Variants in CEP104 observed in about 807,000 individuals in gnomAD.
The protein encoded by CEP104 is centrosomal protein of 104 kDa.
CEP104 carries 84 observed loss-of-function variants against 113.3 expected under a neutral mutation model. That is an observed-to-expected ratio of 0.74 (90% CI 0.62 to 0.89). The LOEUF is 0.89. Ranked by LOEUF, CEP104 falls within the 40% of genes least tolerant of loss-of-function variation. The probability of loss-of-function intolerance (pLI) is 0.00; values close to 1 mark genes in which losing one functional copy is unlikely to be tolerated. For missense variants in CEP104, 1,053 were observed against 1,156.6 expected, an observed-to-expected ratio of 0.91 and a Z score of 1.30; for synonymous variants, 378 against 421.7, an observed-to-expected ratio of 0.90 and a Z score of 1.27.
chr1:3,848,519 G>C lies in CEP104; in HGVS notation c.287+89C>G, dbSNP rs535680052. On this transcript the variant is annotated intron_variant, in intron 3 of 21. Coordinates refer to ENST00000378230, the MANE Select transcript of CEP104 (RefSeq NM_014704.4). Reference sequence around the variant, plus strand: ...TGCACTCCAGCCTGGGTGACACAGCGAGACTCCATCTCAAAAAAAAAAAAA... The same window carrying C: ...TGCACTCCAGCCTGGGTGACACAGCCAGACTCCATCTCAAAAAAAAAAAAA... 1,016 of 1,016,880 alleles carry C rather than the reference G, an allele frequency of 1.0e-3. 3 individuals carry two copies. The highest frequency in any genetic ancestry group is 1.3e-3 in the Non-Finnish European group (917 of 708,752). The allele number at this position is 1,016,880 out of a possible 1,614,324, so 63.0% of individuals were successfully genotyped here. A position where few individuals can be genotyped will look rare whatever the true frequency, so the allele number is the denominator to read the frequency against.
intron 6 of CEP104, among the ~76,000 whole-genome samples, chr1:3,840,227 A>C (rs1644388932): frequency 6.6e-6 from 1 of 152,120 alleles, no homozygotes; most frequent in African/African-American, 2.4e-5. Context: ...ATAACAACAC[A>C]GTATTTTTTT....
chr1:3,823,380 C>T lies in CEP104; in HGVS notation c.2503+44G>A. 6.2e-7 allele frequency: 1 copy of T among 1,613,998 alleles called. No individual in the cohort carries two copies. Among genetic ancestry groups the T allele is most frequent in the Admixed American group, 1.7e-5 (1 of 60,028 alleles). ...GCAGTGGCACTTCCTCCAAGAGGAC[C>T]CCTGGTGACCCGAGGGCACGGGAGC... On this transcript the variant is annotated intron_variant, in intron 19 of 21. Transcript: ENST00000378230. This position sits in a 1 kb window ranked among gnomAD's most constrained non-coding sequence, Gnocchi z 4.1.
At chr1:3,832,562 A>G (rs1644237010) in intron 12 of CEP104, among the ~76,000 whole-genome samples, 1 of 152,174 alleles carries the variant, frequency 6.6e-6, no homozygotes, top group Non-Finnish European at 1.5e-5. Flanking sequence ...AGTGTAGCAC[A>G]TTAGCATGAC....
chr1:3,853,922 C>T (rs78359290), intron 1 of CEP104, among the ~76,000 whole-genome samples: 1,636 of 152,170 alleles, frequency 0.011, 30 homozygotes, highest in African/African-American at 0.035. Flanking sequence ...GAGTGAGACC[C>T]CGTTTCTAAA....
chr1:3,839,650 A>C lies in CEP104; in HGVS notation c.693T>G (p.Asp231Glu), dbSNP rs778096086. 1.2e-6 allele frequency: 2 copies of C among 1,613,786 alleles called. No individual in the cohort carries two copies. The highest frequency in any genetic ancestry group is 2.7e-5 in the African/African-American group (2 of 74,914). Residue 231 changes from aspartate to glutamate, a missense_variant, in exon 7 of 22, where the codon GAT becomes GAG. By Grantham distance (45) the Asp-to-Glu change is conservative. Transcript: ENST00000378230. Reference protein sequence around the residue: ...KREAVQKERYDYAKKLKQAIA... With the variant: ...KREAVQKERYEYAKKLKQAIA... Reference sequence around the variant, plus strand: ...TGGCTTGTTTTAGTTTCTTGGCATAATCATAGCGTTCCTTTTGGACAGCTT... The same window carrying C: ...TGGCTTGTTTTAGTTTCTTGGCATACTCATAGCGTTCCTTTTGGACAGCTT...
At chr1:3,841,842 C>T (rs983370934) in intron 6 of CEP104, among the ~76,000 whole-genome samples, 1 of 152,210 alleles carries the variant, frequency 6.6e-6, no homozygotes, top group Admixed American at 6.5e-5. Flanking sequence ...ATTGGAGATA[C>T]TGAGAAACTA....
At chr1:3,833,826 C>T (rs1365917476) in intron 12 of CEP104, 36 bp downstream of exon 12, 1 of 1,603,312 alleles carries the variant, frequency 6.2e-7, no homozygotes, top group Non-Finnish European at 8.5e-7. Context: ...ATATGTTTAT[C>T]ATCTACGGTT....
At chr1:3,836,752 T>C (rs572117531) in intron 9 of CEP104, 60 bp from the exon 10 acceptor site, 3 of 1,496,282 alleles carry the variant, frequency 2.0e-6, no homozygotes, top group South Asian at 2.3e-5. Context: ...CATTCTCCAG[T>C]GCAACTCTCA....
At position 3,812,845 on chromosome 1, in the gene CEP104, C is replaced by T. The variant is rs755344778; in HGVS notation, c.*2557G>A. The T allele has an allele frequency of 6.6e-6, 1 of 151,858 alleles. No individual in the cohort carries two copies. The highest frequency in any genetic ancestry group is 1.5e-5 in the Non-Finnish European group (1 of 67,956). 9.4% of individuals were successfully genotyped at this position (151,858 alleles called of 1,614,324 possible). A position where few individuals can be genotyped will look rare whatever the true frequency, so the allele number is the denominator to read the frequency against. ...ACAGAGCAAGACTCCGTCTCAAACC[C>T]CACCACCCCCGCAAAACAAAAACAA... On this transcript the variant is annotated 3_prime_UTR_variant, in exon 22 of 22. Transcript: ENST00000378230.
Position 3,836,541 on chromosome 1 carries a change from G to C in CEP104, c.1271C>G (p.Ala424Gly), listed in dbSNP as rs751538020. ...LGEPEPLTEKALREASSAIDV... is the reference protein window; with the variant it reads ...LGEPEPLTEKGLREASSAIDV... ...GATGGCAGAGCTGGCTTCTCTCAAG[G>C]CCTTCTCGGTTAAGGGCTCTGGCTC... The change falls in exon 10 of 22, where the codon GCC (alanine) becomes GGC (glycine). Residue 424 changes from alanine to glycine, a missense_variant. Transcript: ENST00000378230. The C allele has an allele frequency of 2.5e-6, 4 of 1,588,212 alleles. No individual in the cohort carries two copies. The highest frequency in any genetic ancestry group is 1.1e-5 in the South Asian group (1 of 90,524).
At chr1:3,852,474 A>G in intron 1 of CEP104, 53 bp from the exon 2 acceptor site, 19 of 1,529,436 alleles carry the variant, frequency 1.2e-5, no homozygotes, top group East Asian at 2.3e-5. Context: ...TCACTAACAC[A>G]TGGACATTTA....
Position 3,833,858 on chromosome 1 carries a change from A to G in CEP104, c.1659+4T>C, listed in dbSNP as rs747888912. 15 of 1,614,214 alleles carry G rather than the reference A, an allele frequency of 9.3e-6. No individual in the cohort carries two copies. In the South Asian group the frequency reaches 1.4e-4, roughly 15 times the overall value. ...GGTTTCAAATGCCGTGGTGAAGTTC[A>G]GACCTGAATAAAATTTGCAGCTGTG... On this transcript the variant is annotated splice_donor_region_variant and intron_variant, in intron 12 of 21. Coordinates refer to ENST00000378230, the MANE Select transcript of CEP104 (RefSeq NM_014704.4).
At position 3,839,601 on chromosome 1, in the gene CEP104, G is replaced by A. The variant is rs144923784; in HGVS notation, c.735+7C>T. On this transcript the variant is annotated splice_region_variant and intron_variant, in intron 7 of 21. Coordinates refer to ENST00000378230, the MANE Select transcript of CEP104 (RefSeq NM_014704.4). Reference sequence around the variant, plus strand: ...AAATTAGGAACTGTTTTCTCCAAAGGCAATACCTTTTGCAAATCAGCAATG... The same window carrying A: ...AAATTAGGAACTGTTTTCTCCAAAGACAATACCTTTTGCAAATCAGCAATG... 1 of 1,610,248 alleles carries A rather than the reference G, an allele frequency of 6.2e-7. No homozygotes were observed. Among genetic ancestry groups the A allele is most frequent in the Non-Finnish European group, 8.5e-7 (1 of 1,178,400 alleles).
chr1:3,839,170 C>A, intron 7 of CEP104, 51 bp from the exon 8 acceptor site: 2 of 1,512,126 alleles, frequency 1.3e-6, no homozygotes, highest in Non-Finnish European at 1.8e-6. Flanking sequence ...CAACTCACAT[C>A]AAATGCAAAG....
intron 2 of CEP104, among the ~76,000 whole-genome samples, chr1:3,849,174 T>C (rs1644565086): frequency 6.6e-6 from 1 of 152,064 alleles, no homozygotes; most frequent in Non-Finnish European, 1.5e-5. Flanking sequence ...TATCAATATT[T>C]AAGGAGTGCC....
At chr1:3,843,379 T>G in intron 6 of CEP104, 27 of 450,070 alleles carry the variant, frequency 6.0e-5, no homozygotes, top group Non-Finnish European at 9.6e-5. Context: ...ATGTATAATT[T>G]TTTTTTTTTT....
rs775891204 is a variant in CEP104, at chr1:3,816,341, G to A, written c.2601C>T (p.Ala867=). 93 of 1,552,946 alleles carry A rather than the reference G, an allele frequency of 6.0e-5. No homozygotes were observed. Among genetic ancestry groups the A allele is most frequent in the Non-Finnish European group, 7.1e-5 (81 of 1,147,836 alleles). The change falls in exon 21 of 22, where the codon GCC becomes GCT. Residue 867 remains alanine (A), a synonymous_variant. Coordinates refer to ENST00000378230, the MANE Select transcript of CEP104 (RefSeq NM_014704.4). ...EAWKAHLMGP[A]GCTMNLRKTH... ...TCTTGCGCAGGTTCATCGTGCAGCC[G>A]GCTGGGCCCATCAGGTGAGCTTTCC...
chr1:3,832,975 C>T (rs1644244968), intron 12 of CEP104, among the ~76,000 whole-genome samples: 1 of 147,308 alleles, frequency 6.8e-6, no homozygotes. Flanking sequence ...GCCACCCCGC[C>T]TGGCCTGGAT....
At chr1:3,851,417 A>G (rs1222647439) in intron 2 of CEP104, among the ~76,000 whole-genome samples, 1 of 152,176 alleles carries the variant, frequency 6.6e-6, no homozygotes, top group Admixed American at 6.5e-5. Flanking sequence ...AATGCCATAC[A>G]TATTTACGCG....
Sources: allele counts gnomAD v4.1 joint callset (sites outside exome capture counted in the v4.1 genomes callset), GRCh38; gene constraint gnomAD v4.1.1; non-coding constraint Gnocchi (gnomAD v3.1); transcripts MANE v1.5; gene names NCBI Gene and HGNC (gene_info 2026-07-23, HGNC 2026-07-21).